CNTN4: variants seen among roughly 807,000 people sequenced by gnomAD.
The protein encoded by CNTN4 is contactin 4.
A neutral mutation model predicts 122.5 loss-of-function variants in CNTN4; 77 were observed. That is an observed-to-expected ratio of 0.63 (90% CI 0.52 to 0.76). The LOEUF (loss-of-function observed/expected upper bound fraction) is 0.76. CNTN4 is among the 30% of genes least tolerant of loss of function. The probability of loss-of-function intolerance (pLI) is 0.00; values close to 1 mark genes in which losing one functional copy is unlikely to be tolerated. For missense variants in CNTN4, 1,256 were observed against 1,259.1 expected (o/e 1.00, Z 0.04); for synonymous variants, 512 against 447.0 (o/e 1.15, Z -1.83).
chr3:2,593,546 GA>G (rs2080606959), intron 4 of CNTN4, among the ~76,000 whole-genome samples: 1 of 152,104 alleles, frequency 6.6e-6, no homozygotes, highest in Non-Finnish European at 1.5e-5. Context: ...TTCATGTAAT[GA>G]CAACTATTTG....
chr3:2,682,757 GTATCA>G (rs564954523), intron 4 of CNTN4, among the ~76,000 whole-genome samples: 1 of 152,100 alleles, frequency 6.6e-6, no homozygotes, highest in Admixed American at 6.5e-5. Flanking sequence ...ATTGCACCCT[GTATCA>G]TATCATATCA....
chr3:2,731,687 A>C (rs975175966), intron 4 of CNTN4, among the ~76,000 whole-genome samples: 1 of 152,254 alleles, frequency 6.6e-6, no homozygotes, highest in East Asian at 1.9e-4. Context: ...TCCAAGGCAG[A>C]TGATGCCCTG....
intron 4 of CNTN4, chr3:2,735,921 G>A (rs769940824): frequency 1.1e-5 from 6 of 534,460 alleles, no homozygotes; most frequent in Admixed American, 4.0e-5. Flanking sequence ...CTAAAGACAA[G>A]CAGAACAATA....
intron 2 of CNTN4, among the ~76,000 whole-genome samples, chr3:2,269,958 T>A (rs1226707659): frequency 2.0e-5 from 2 of 98,686 alleles, no homozygotes; most frequent in African/African-American, 6.3e-5. Context: ...TTATTTATTT[T>A]TTGAGACGGA....
At chr3:2,743,222 T>C (rs544237039) in intron 5 of CNTN4, among the ~76,000 whole-genome samples, 1 of 152,224 alleles carries the variant, frequency 6.6e-6, no homozygotes, top group East Asian at 1.9e-4. Context: ...ATTGCTCTAC[T>C]ATCATTTGAA....
chr3:2,907,847 G>A (rs2094254492), intron 12 of CNTN4, among the ~76,000 whole-genome samples: 1 of 152,202 alleles, frequency 6.6e-6, no homozygotes, highest in African/African-American at 2.4e-5. Context: ...TAATTAATCT[G>A]TGTGCTGGGT....
intron 2 of CNTN4, among the ~76,000 whole-genome samples, chr3:2,192,895 G>A (rs2037650262): frequency 6.6e-6 from 1 of 152,180 alleles, no homozygotes; most frequent in South Asian, 2.1e-4. Context: ...GTGTGGGTGT[G>A]AGAGTGTGTA....
intron 2 of CNTN4, among the ~76,000 whole-genome samples, chr3:2,124,520 G>C (rs1012585205): frequency 6.6e-6 from 1 of 150,988 alleles, no homozygotes; most frequent in African/African-American, 2.4e-5. Flanking sequence ...CCCACACTTT[G>C]GGAGGCTGAG....
intron 4 of CNTN4, among the ~76,000 whole-genome samples, chr3:2,597,419 C>T (rs1274594679): frequency 2.0e-5 from 3 of 152,138 alleles, no homozygotes; most frequent in African/African-American, 4.8e-5. Context: ...GCAGGGAGCA[C>T]CTTATGCCTC....
chr3:2,455,794 A>G (rs2048977381), intron 3 of CNTN4, among the ~76,000 whole-genome samples: 1 of 152,034 alleles, frequency 6.6e-6, no homozygotes, highest in African/African-American at 2.4e-5. Flanking sequence ...GAGAATTGGA[A>G]CCAAGTTTTG....
chr3:2,436,705 T>C (rs1462214271), intron 3 of CNTN4, among the ~76,000 whole-genome samples: 1 of 151,732 alleles, frequency 6.6e-6, no homozygotes, highest in Non-Finnish European at 1.5e-5. Context: ...GTTTTTAATC[T>C]CTGATCTGCA....
At chr3:2,281,925 G>C (rs2041729870) in intron 2 of CNTN4, among the ~76,000 whole-genome samples, 1 of 152,028 alleles carries the variant, frequency 6.6e-6, no homozygotes, top group Admixed American at 6.6e-5. Flanking sequence ...AGATTTTTAT[G>C]TGCTTTGAAA....
chr3:2,222,485 A>T (rs1021555796), intron 2 of CNTN4, among the ~76,000 whole-genome samples: 1 of 152,110 alleles, frequency 6.6e-6, no homozygotes, highest in African/African-American at 2.4e-5. Context: ...AATTGGGTGG[A>T]AACTCTTGGA....
At chr3:2,108,500 T>C (rs1382516943) in intron 2 of CNTN4, among the ~76,000 whole-genome samples, 1 of 152,196 alleles carries the variant, frequency 6.6e-6, no homozygotes, top group Non-Finnish European at 1.5e-5. Context: ...TTGCCTTGCC[T>C]TCTACATTGT....
At chr3:2,519,075 A>G (rs192805201) in intron 3 of CNTN4, among the ~76,000 whole-genome samples, 392 of 152,262 alleles carry the variant, frequency 2.6e-3, no homozygotes, top group African/African-American at 9.0e-3. Flanking sequence ...CTCTAGTGAT[A>G]AGAATGTTTC....
chr3:2,776,232 T>C (rs2091309601), intron 6 of CNTN4, among the ~76,000 whole-genome samples: 3 of 151,704 alleles, frequency 2.0e-5, no homozygotes, highest in African/African-American at 4.8e-5. Flanking sequence ...CCATACAGGA[T>C]TGGTGAATAG....
At chr3:2,136,624 AC>A (rs1486367156) in intron 2 of CNTN4, among the ~76,000 whole-genome samples, 1 of 152,122 alleles carries the variant, frequency 6.6e-6, no homozygotes, top group East Asian at 1.9e-4. Context: ...TTGAGAAGCG[AC>A]GTGGTAATTG....
At chr3:2,427,972 C>T (rs1224607023) in intron 3 of CNTN4, among the ~76,000 whole-genome samples, 1 of 151,966 alleles carries the variant, frequency 6.6e-6, no homozygotes, top group African/African-American at 2.4e-5. Flanking sequence ...TGTCTCTTCA[C>T]GTGAGATGGG....
rs150197904 is a variant in CNTN4, at chr3:2,175,381, C to T, written c.-145+74742C>T. On this transcript the variant is annotated intron_variant, in intron 2 of 24. Transcript: ENST00000418658. ...TTACCATCCTTCTCCTTAGTAATTT[C>T]GCTTTATTTCAACAAGGAAAAAAAG... Among the ~76,000 whole-genome samples the T allele has an allele frequency of 2.9e-3, 434 of 152,060 alleles. 1 individual carries two copies. The highest frequency in any genetic ancestry group is 9.9e-3 in the African/African-American group (410 of 41,468).
Sources: allele counts gnomAD v4.1 joint callset (sites outside exome capture counted in the v4.1 genomes callset), GRCh38; gene constraint gnomAD v4.1.1; transcripts MANE v1.5; gene names NCBI Gene and HGNC (gene_info 2026-07-23, HGNC 2026-07-21).